IQCM: variants seen among roughly 807,000 people sequenced by gnomAD.
The protein encoded by IQCM is IQ motif containing M.
IQCM carries 45 observed loss-of-function variants against 57.6 expected under a neutral mutation model. That is an observed-to-expected ratio of 0.78 (90% CI 0.62 to 1.00). The LOEUF (loss-of-function observed/expected upper bound fraction) is 1.00. Among genes scored for constraint, IQCM ranks in the 50% least tolerant of loss-of-function variants. The probability of loss-of-function intolerance (pLI) is 0.00; values close to 1 mark genes in which losing one functional copy is unlikely to be tolerated. For missense variants in IQCM, 468 were observed against 511.6 expected (o/e 0.91, Z 0.82); for synonymous variants, 148 against 158.9 (o/e 0.93, Z 0.51).
At chr4:149,722,928 T>G (rs557239957) in intron 5 of IQCM, among the ~76,000 whole-genome samples, 1 of 152,182 alleles carries the variant, frequency 6.6e-6, no homozygotes, top group African/African-American at 2.4e-5. Flanking sequence ...TCCATGAGCA[T>G]GAGATGTTTT....
chr4:149,610,108 C>T (rs1755148005), intron 8 of IQCM, among the ~76,000 whole-genome samples: 1 of 151,474 alleles, frequency 6.6e-6, no homozygotes, highest in Non-Finnish European at 1.5e-5. Flanking sequence ...GAAAAAGAAA[C>T]CAACAAAGTA....
intron 3 of IQCM, among the ~76,000 whole-genome samples, chr4:149,736,820 A>G (rs548444732): frequency 4.1e-4 from 63 of 152,326 alleles, no homozygotes; most frequent in African/African-American, 1.4e-3. Flanking sequence ...CCTACAACCC[A>G]GCAATTCCAA....
intron 13 of IQCM, among the ~76,000 whole-genome samples, chr4:149,392,488 G>T (rs1192145711): frequency 6.6e-6 from 1 of 151,954 alleles, no homozygotes; most frequent in East Asian, 1.9e-4. Flanking sequence ...ACGGGGAAAA[G>T]GAAATGACAT....
At chr4:149,372,932 A>T (rs1730459103) in intron 13 of IQCM, among the ~76,000 whole-genome samples, 1 of 152,124 alleles carries the variant, frequency 6.6e-6, no homozygotes, top group Non-Finnish European at 1.5e-5. Context: ...ATTGTGTACC[A>T]ATCCAGACAG....
intron 2 of IQCM, among the ~76,000 whole-genome samples, chr4:149,752,845 C>G (rs963963708): frequency 2.6e-5 from 4 of 152,160 alleles, no homozygotes; most frequent in Non-Finnish European, 5.9e-5. Flanking sequence ...ATGCAACTTC[C>G]CACTGGTGCT....
chr4:149,568,730 G>A (rs1449843131), intron 9 of IQCM, among the ~76,000 whole-genome samples: 2 of 152,190 alleles, frequency 1.3e-5, no homozygotes, highest in African/African-American at 2.4e-5. Context: ...AGTAAGCCAT[G>A]AGTGTGCCAT....
chr4:149,738,098 G>C (rs2149899356), intron 3 of IQCM, among the ~76,000 whole-genome samples: 1 of 152,238 alleles, frequency 6.6e-6, no homozygotes, highest in African/African-American at 2.4e-5. Context: ...TTCATTTATA[G>C]GCAAATTCTG....
intron 13 of IQCM, among the ~76,000 whole-genome samples, chr4:149,424,060 T>C (rs1734302529): frequency 6.6e-6 from 1 of 151,874 alleles, no homozygotes; most frequent in Non-Finnish European, 1.5e-5. Context: ...ACACATTAAA[T>C]AGTTTATGCA....
At chr4:149,355,843 A>C (rs560781955) in intron 13 of IQCM, among the ~76,000 whole-genome samples, 1 of 152,050 alleles carries the variant, frequency 6.6e-6, no homozygotes, top group African/African-American at 2.4e-5. Flanking sequence ...TGGTTGAACT[A>C]GTTTACAGTC....
chr4:149,744,643 C>T (rs772521406), intron 2 of IQCM, among the ~76,000 whole-genome samples: 11 of 151,892 alleles, frequency 7.2e-5, no homozygotes, highest in Admixed American at 1.3e-4. Context: ...GGGTGTAGAA[C>T]GGCCAGGAAG....
intron 2 of IQCM, among the ~76,000 whole-genome samples, chr4:149,801,534 T>C (rs371933770): frequency 2.4e-4 from 37 of 152,138 alleles, no homozygotes; most frequent in African/African-American, 7.9e-4. Context: ...ATATGGTACT[T>C]ATACACAATG....
intron 12 of IQCM, among the ~76,000 whole-genome samples, chr4:149,494,930 A>G (rs1170110711): frequency 2.6e-5 from 4 of 152,116 alleles, no homozygotes; most frequent in African/African-American, 9.7e-5. Flanking sequence ...GGCCAAAGTG[A>G]AAACCAAGAA....
intron 2 of IQCM, among the ~76,000 whole-genome samples, chr4:149,793,923 G>A (rs906292553): frequency 6.6e-6 from 1 of 152,186 alleles, no homozygotes; most frequent in African/African-American, 2.4e-5. Flanking sequence ...ACACTAAAAT[G>A]ATTCTAAAAA....
At chr4:149,672,394 G>A (rs1157711788) in intron 7 of IQCM, among the ~76,000 whole-genome samples, 1 of 152,088 alleles carries the variant, frequency 6.6e-6, no homozygotes. Flanking sequence ...GATTAGACAA[G>A]AGGCTAACTA....
Position 149,741,232 on chromosome 4 carries a change from T to C in IQCM, c.37+1423A>G, listed in dbSNP as rs17026405. Among the ~76,000 whole-genome samples the C allele has an allele frequency of 9.0e-3, 1,363 of 152,240 alleles. 10 individuals are homozygous for C. Among genetic ancestry groups the C allele is most frequent in the African/African-American group, 0.03 (1,262 of 41,540 alleles). On this transcript the variant is annotated intron_variant, in intron 3 of 13. Coordinates refer to ENST00000636793, the MANE Select transcript of IQCM (RefSeq NM_001363507.2). ...TCTGTTGAGTTGTCTCTTACTGACTTACTTTCCCCCTCCCTTATTCTCTGG... is the reference window on the plus strand; with the variant it reads ...TCTGTTGAGTTGTCTCTTACTGACTCACTTTCCCCCTCCCTTATTCTCTGG...
At chr4:149,771,553 C>T (rs1175284775) in intron 2 of IQCM, among the ~76,000 whole-genome samples, 1 of 152,036 alleles carries the variant, frequency 6.6e-6, no homozygotes. Context: ...TAATAAAGTT[C>T]TTTCTTCCAC....
In IQCM at chr4:149,379,027, G is replaced by T. The variant is rs530905913; in HGVS notation, c.1391-26961C>A. On this transcript the variant is annotated intron_variant, in intron 13 of 13. Transcript: ENST00000636793. Reference sequence around the variant, plus strand: ...ACAGCTTGGGCCATGGCTTCAGAGGGTGCAAGTCCCAAGGCTTGGCAGCTT... The same window carrying T: ...ACAGCTTGGGCCATGGCTTCAGAGGTTGCAAGTCCCAAGGCTTGGCAGCTT... 5.0e-4 allele frequency among the ~76,000 whole-genome samples: 76 copies of T among 152,312 alleles called. 1 individual carries two copies. The South Asian group carries it at 0.016, about 32-fold the overall frequency.
chr4:149,420,745 T>C (rs1372766836), intron 13 of IQCM, among the ~76,000 whole-genome samples: 3 of 152,074 alleles, frequency 2.0e-5, no homozygotes, highest in African/African-American at 2.4e-5. Flanking sequence ...TGGTAACATA[T>C]ATAGGTTGTA....
chr4:149,592,452 T>C (rs1753289096), intron 8 of IQCM, among the ~76,000 whole-genome samples: 1 of 152,122 alleles, frequency 6.6e-6, no homozygotes, highest in Non-Finnish European at 1.5e-5. Context: ...GCAGAAGCTC[T>C]TTAGTTTAAT....
Sources: gnomAD v4.1 joint callset for allele counts (sites outside exome capture counted in the v4.1 genomes callset) on GRCh38, gnomAD v4.1.1 for gene constraint, MANE v1.5 for transcripts, NCBI Gene and HGNC (gene_info 2026-07-23, HGNC 2026-07-21) for gene names.